Variants in SERTAD2 observed in about 807,000 individuals in gnomAD.
SERTAD2 encodes SERTA domain-containing protein 2.
Under a neutral mutation model 15.4 loss-of-function variants are expected in SERTAD2, and 2 were observed. That is an observed-to-expected ratio of 0.13 (90% CI 0.05 to 0.41). The LOEUF is 0.41. Among genes scored for constraint, SERTAD2 ranks in the 10% least tolerant of loss-of-function variants. The pLI is 0.99. For missense variants in SERTAD2, 333 were observed against 409.7 expected (o/e 0.81, Z 1.62); for synonymous variants, 180 against 178.0 (o/e 1.01, Z -0.09).
intron 1 of SERTAD2, among the ~76,000 whole-genome samples, chr2:64,644,383 C>T (rs1485861915): frequency 3.3e-5 from 5 of 152,202 alleles, no homozygotes; most frequent in Non-Finnish European, 7.3e-5. Context: ...CGTTTAGGAC[C>T]CTGCTTTTGA....
chr2:64,641,861 C>G (rs1674785233), intron 1 of SERTAD2, among the ~76,000 whole-genome samples: 1 of 152,218 alleles, frequency 6.6e-6, no homozygotes. Context: ...CAACCACGGA[C>G]AAGCCTTAGG....
chr2:64,636,022 C>G lies in SERTAD2; in HGVS notation c.850G>C (p.Ala284Pro). ...VSADDLLKTL[A>P]PYSSQPVTPS... ...GTGACAGGCTGACTGCTGTAAGGAG[C>G]CAGAGTTTTGAGGAGGTCGTCGGCA... Residue 284 changes from alanine (A) to proline (P), a missense_variant, in exon 2 of 2, where the codon GCT becomes CCT. This residue lies in a region of SERTAD2 where 332 missense variants were observed against 392.9 expected (regional missense o/e 0.84). Transcript: ENST00000313349. 1 of 1,614,022 alleles carries G rather than the reference C, an allele frequency of 6.2e-7. No individual in the cohort carries two copies.
At chr2:64,651,886 G>A (rs547978835) in intron 1 of SERTAD2, among the ~76,000 whole-genome samples, 25 of 152,146 alleles carry the variant, frequency 1.6e-4, no homozygotes, top group African/African-American at 5.8e-4. Flanking sequence ...GAAAAGGGCC[G>A]GGTGTTAAGG....
intron 1 of SERTAD2, among the ~76,000 whole-genome samples, chr2:64,642,137 G>A (rs1054539831): frequency 5.9e-5 from 9 of 152,206 alleles, no homozygotes; most frequent in Admixed American, 2.0e-4. Context: ...AAAAAGGAAT[G>A]AACAGCATTT....
rs1674610935 is a variant in SERTAD2, at chr2:64,634,519, C to G, written c.*1408G>C. Reference sequence around the variant, plus strand: ...AAGCTGTGACGTAATGTGATGAACTCCAGGTTCAAGAGTCACACATGTTGT... The same window carrying G: ...AAGCTGTGACGTAATGTGATGAACTGCAGGTTCAAGAGTCACACATGTTGT... On this transcript the variant is annotated 3_prime_UTR_variant, in exon 2 of 2. Transcript: ENST00000313349. 1.3e-5 allele frequency: 2 copies of G among 152,180 alleles called. No homozygotes were observed. The highest frequency in any genetic ancestry group is 4.1e-4 in the South Asian group (2 of 4,834). The allele number at this position is 152,180 out of a possible 1,614,324, so 9.4% of individuals were successfully genotyped here. A position where few individuals can be genotyped will look rare whatever the true frequency, so the allele number is the denominator to read the frequency against.
chr2:64,641,943 G>A (rs1674787265), intron 1 of SERTAD2, among the ~76,000 whole-genome samples: 2 of 152,202 alleles, frequency 1.3e-5, no homozygotes, highest in East Asian at 1.9e-4. Flanking sequence ...CATGTCTGGG[G>A]AGGAGCCCTC....
At chr2:64,648,009 T>C (rs1446493990) in intron 1 of SERTAD2, among the ~76,000 whole-genome samples, 1 of 152,234 alleles carries the variant, frequency 6.6e-6, no homozygotes, top group African/African-American at 2.4e-5. Context: ...AACTTATCCG[T>C]GCAGTCCAAA....
chr2:64,643,701 T>C (rs1674827568), intron 1 of SERTAD2, among the ~76,000 whole-genome samples: 1 of 152,132 alleles, frequency 6.6e-6, no homozygotes, highest in Non-Finnish European at 1.5e-5. Flanking sequence ...ACCCCATCTC[T>C]ACTAAAAATA....
At chr2:64,643,619 A>G (rs1674824092) in intron 1 of SERTAD2, among the ~76,000 whole-genome samples, 1 of 152,268 alleles carries the variant, frequency 6.6e-6, no homozygotes, top group Non-Finnish European at 1.5e-5. Context: ...CTGTAATCCC[A>G]GCACTTTGGA....
intron 1 of SERTAD2, among the ~76,000 whole-genome samples, chr2:64,640,298 G>A (rs1674742809): frequency 6.6e-6 from 1 of 152,168 alleles, no homozygotes; most frequent in South Asian, 2.1e-4. Flanking sequence ...CTCACTCTCA[G>A]GGCTTTGTGT....
At chr2:64,642,804 C>T (rs1452349728) in intron 1 of SERTAD2, among the ~76,000 whole-genome samples, 4 of 152,180 alleles carry the variant, frequency 2.6e-5, no homozygotes, top group African/African-American at 9.7e-5. Flanking sequence ...TGCTGGGTTT[C>T]TCTGTGCCAG....
At chr2:64,653,319 C>A (rs950138711) in intron 1 of SERTAD2, among the ~76,000 whole-genome samples, 1 of 152,084 alleles carries the variant, frequency 6.6e-6, no homozygotes, top group Admixed American at 6.5e-5. Flanking sequence ...CAGCTCCAGG[C>A]GCCCCCGCCC....
At chr2:64,640,382 A>G (rs1674746129) in intron 1 of SERTAD2, among the ~76,000 whole-genome samples, 1 of 152,230 alleles carries the variant, frequency 6.6e-6, no homozygotes, top group Non-Finnish European at 1.5e-5. Context: ...CCGGAGGGCA[A>G]GAAGCCAGGC....
At chr2:64,648,496 T>A (rs1011437557) in intron 1 of SERTAD2, among the ~76,000 whole-genome samples, 9 of 152,222 alleles carry the variant, frequency 5.9e-5, no homozygotes, top group Non-Finnish European at 1.2e-4. Context: ...CTTCTGTGCA[T>A]TGATAATGAA....
chr2:64,642,508 CT>C (rs11296920), intron 1 of SERTAD2, among the ~76,000 whole-genome samples: 5,828 of 148,266 alleles, frequency 0.039, 172 homozygotes, highest in African/African-American at 0.095. Context: ...TTTTAAAAAT[CT>C]TTTTTTTTTT....
At chr2:64,638,362 G>A (rs972312288) in intron 1 of SERTAD2, among the ~76,000 whole-genome samples, 1 of 152,192 alleles carries the variant, frequency 6.6e-6, no homozygotes, top group Non-Finnish European at 1.5e-5. Context: ...GCCTTCAAGA[G>A]GCTAAATAGC....
Position 64,632,646 on chromosome 2 carries a change from A to G in SERTAD2, c.*3281T>C, listed in dbSNP as rs948532530. The G allele has an allele frequency of 5.9e-5, 9 of 152,638 alleles. No homozygotes were observed. Among genetic ancestry groups the G allele is most frequent in the African/African-American group, 1.9e-4 (8 of 41,444 alleles). 9.5% of individuals were successfully genotyped at this position (152,638 alleles called of 1,614,324 possible). A position where few individuals can be genotyped will look rare whatever the true frequency, so the allele number is the denominator to read the frequency against. On this transcript the variant is annotated 3_prime_UTR_variant, in exon 2 of 2. Transcript: ENST00000313349. ...TTGGAGGTATTAAAACATTCCTCAT[A>G]CCTTTTGCATATTTCAAATAGACCC...
chr2:64,650,372 C>A (rs1392031069), intron 1 of SERTAD2, among the ~76,000 whole-genome samples: 3 of 149,472 alleles, frequency 2.0e-5, no homozygotes, highest in Admixed American at 6.6e-5. Context: ...AAAAAAAAAA[C>A]AAAACAAGGA....
In SERTAD2 at chr2:64,631,873, A is replaced by C. The variant is rs1674541088; in HGVS notation, c.*4054T>G. 1 of 152,678 alleles carries C rather than the reference A, an allele frequency of 6.5e-6. No homozygotes were observed. Among genetic ancestry groups the C allele is most frequent in the Admixed American group, 6.5e-5 (1 of 15,288 alleles). The allele number at this position is 152,678 out of a possible 1,614,324, so 9.5% of individuals were successfully genotyped here. A position where few individuals can be genotyped will look rare whatever the true frequency, so the allele number is the denominator to read the frequency against. On this transcript the variant is annotated 3_prime_UTR_variant, in exon 2 of 2. Coordinates refer to ENST00000313349, the MANE Select transcript of SERTAD2 (RefSeq NM_014755.3). ...CCATGCACCAAACATGTCACTATGT[A>C]CATCTTTTTTCAAAATCTCGGTCAT...
Sources: allele counts gnomAD v4.1 joint callset (sites outside exome capture counted in the v4.1 genomes callset), GRCh38; gene constraint gnomAD v4.1.1; regional missense constraint gnomAD v4.1.1; transcripts MANE v1.5; gene names NCBI Gene and HGNC (gene_info 2026-07-23, HGNC 2026-07-21).